The following CADPS2 variants were observed in gnomAD, a reference collection of about 807,000 sequenced individuals.
The protein encoded by CADPS2 is calcium-dependent secretion activator 2.
A neutral mutation model predicts 172.5 loss-of-function variants in CADPS2; 93 were observed. The observed-to-expected ratio is 0.54, with a 90% CI of 0.46 to 0.64. The LOEUF is 0.64. Ranked by LOEUF, CADPS2 falls within the 30% of genes least tolerant of loss-of-function variation. The pLI is 0.00. For synonymous variants in CADPS2, 546 were observed against 555.2 expected (o/e 0.98, Z 0.23); for missense variants, 1,420 against 1,565.9 (o/e 0.91, Z 1.57).
At chr7:122,445,563 TC>T (rs2052055061) in intron 15 of CADPS2, among the ~76,000 whole-genome samples, 1 of 152,204 alleles carries the variant, frequency 6.6e-6, no homozygotes, top group Non-Finnish European at 1.5e-5. Context: ...ATGCCTGTAA[TC>T]CCAGTATTTT....
intron 3 of CADPS2, among the ~76,000 whole-genome samples, chr7:122,653,412 C>T (rs1467446788): frequency 6.6e-6 from 1 of 152,188 alleles, no homozygotes; most frequent in African/African-American, 2.4e-5. Context: ...CTACCTGCCT[C>T]CCCAAGGCCT....
At chr7:122,400,034 A>T (rs554042061) in intron 20 of CADPS2, among the ~76,000 whole-genome samples, 7 of 151,954 alleles carry the variant, frequency 4.6e-5, no homozygotes, top group Non-Finnish European at 8.8e-5. Flanking sequence ...GTGATCTGTT[A>T]CAAGAAACAC....
At chr7:122,375,755 A>G (rs2042264711) in intron 25 of CADPS2, among the ~76,000 whole-genome samples, 1 of 152,082 alleles carries the variant, frequency 6.6e-6, no homozygotes, top group Non-Finnish European at 1.5e-5. Flanking sequence ...AATATTTTTT[A>G]AAATGAGATT....
chr7:122,585,933 T>G (rs2069604458), intron 6 of CADPS2, among the ~76,000 whole-genome samples: 1 of 151,972 alleles, frequency 6.6e-6, no homozygotes, highest in Non-Finnish European at 1.5e-5. Flanking sequence ...TTCTAAGGAC[T>G]TATCCTATCA....
intron 2 of CADPS2, among the ~76,000 whole-genome samples, chr7:122,689,371 G>A (rs1327972433): frequency 6.6e-6 from 1 of 152,294 alleles, no homozygotes; most frequent in African/African-American, 2.4e-5. Flanking sequence ...CCACCTTCCT[G>A]ATCTGATTAA....
Position 122,721,520 on chromosome 7 carries a change from C to G in CADPS2, c.453+15435G>C, listed in dbSNP as rs183908930. Among the ~76,000 whole-genome samples the G allele has an allele frequency of 1.5e-3, 230 of 152,190 alleles. 1 individual carries two copies. Among genetic ancestry groups the G allele is most frequent in the Admixed American group, 3.5e-3 (53 of 15,266 alleles). On this transcript the variant is annotated intron_variant, in intron 2 of 29. Coordinates refer to ENST00000449022, the MANE Select transcript of CADPS2 (RefSeq NM_017954.11). ...GTTGAATCTCTGAATAGACCAATAA[C>G]AGGCTCTGAAATTGAGGCAATAATT...
At position 122,621,607 on chromosome 7, in the gene CADPS2, C is replaced by A. The variant is rs772232660; in HGVS notation, c.978G>T (p.Ser326=). Residue 326 remains serine (S), a synonymous_variant, in exon 5 of 30, where the codon TCG becomes TCT. Transcript: ENST00000449022. ...LMANLESLPV[S]KGGPEFKLQK... is the part of the protein sequence containing the mutation. ...GTAATTTAAATTCCGGACCACCTTT[C>A]GAAACTGGAAGACTTTCCAAATTGG... 1.2e-6 allele frequency: 2 copies of A among 1,613,738 alleles called. No homozygotes were observed. Among genetic ancestry groups the A allele is most frequent in the Middle Eastern group, 1.7e-4 (1 of 6,056 alleles).
At chr7:122,650,775 A>G (rs943401812) in intron 3 of CADPS2, among the ~76,000 whole-genome samples, 1 of 152,184 alleles carries the variant, frequency 6.6e-6, no homozygotes, top group Non-Finnish European at 1.5e-5. Context: ...TACACTGACA[A>G]TTTAAAAATT....
chr7:122,729,746 C>T (rs1195631323), intron 2 of CADPS2, among the ~76,000 whole-genome samples: 4 of 130,220 alleles, frequency 3.1e-5, no homozygotes, highest in Non-Finnish European at 4.7e-5. Flanking sequence ...TTAGTCCCAT[C>T]TTCCCCCTTC....
intron 8 of CADPS2, among the ~76,000 whole-genome samples, chr7:122,518,442 T>A (rs2060536491): frequency 6.6e-6 from 1 of 152,054 alleles, no homozygotes; most frequent in Non-Finnish European, 1.5e-5. Flanking sequence ...TCTTAAAAAA[T>A]TTGTTTTTTA....
intron 3 of CADPS2, among the ~76,000 whole-genome samples, chr7:122,650,895 A>G (rs2079086017): frequency 6.6e-6 from 1 of 151,678 alleles, no homozygotes; most frequent in African/African-American, 2.4e-5. Flanking sequence ...TAACACATAT[A>G]TAAATATTAT....
intron 24 of CADPS2, chr7:122,386,272 T>C: frequency 1.4e-6 from 2 of 1,407,810 alleles, no homozygotes; most frequent in Middle Eastern, 2.0e-4. Context: ...AAATGTGCTT[T>C]TAGAAAAAAA....
intron 14 of CADPS2, among the ~76,000 whole-genome samples, chr7:122,466,375 G>C (rs1301594975): frequency 2.6e-5 from 4 of 152,172 alleles, no homozygotes; most frequent in Non-Finnish European, 1.5e-5. Context: ...CGGGGTTCTA[G>C]GCTCCTGCTT....
chr7:122,777,383 C>A (rs1438414341), intron 1 of CADPS2, among the ~76,000 whole-genome samples: 5 of 151,996 alleles, frequency 3.3e-5, no homozygotes, highest in South Asian at 2.1e-4. Context: ...TTCCAGGCAA[C>A]AAGAGAAAAA....
At chr7:122,516,035 C>G (rs192113267) in intron 8 of CADPS2, among the ~76,000 whole-genome samples, 31 of 152,030 alleles carry the variant, frequency 2.0e-4, no homozygotes, top group African/African-American at 7.2e-4. Context: ...TCTTTGAAGA[C>G]AGAAAGCAGG....
At chr7:122,497,178 A>C (rs532987684) in intron 9 of CADPS2, among the ~76,000 whole-genome samples, 1 of 151,530 alleles carries the variant, frequency 6.6e-6, no homozygotes, top group Non-Finnish European at 1.5e-5. Flanking sequence ...TGGTAAATTT[A>C]AAAAAAAATC....
chr7:122,735,699 C>T (rs1039474829), intron 2 of CADPS2, among the ~76,000 whole-genome samples: 3 of 152,132 alleles, frequency 2.0e-5, no homozygotes, highest in African/African-American at 7.2e-5. Context: ...TAGAGTGCAG[C>T]AGTGCATTTA....
At chr7:122,415,983 G>C (rs1289388392) in intron 18 of CADPS2, 78 bp downstream of exon 18, 48 of 802,414 alleles carry the variant, frequency 6.0e-5, no homozygotes, top group Non-Finnish European at 7.6e-5. Flanking sequence ...ACTATGGGCA[G>C]GCCACTTATT....
Position 122,731,535 on chromosome 7 carries a change from T to A in CADPS2, c.453+5420A>T, listed in dbSNP as rs139708702. Among the ~76,000 whole-genome samples the A allele has an allele frequency of 2.0e-3, 298 of 151,752 alleles. 2 individuals carry two copies. Among genetic ancestry groups the A allele is most frequent in the African/African-American group, 6.8e-3 (283 of 41,482 alleles). Reference sequence around the variant, plus strand: ...ATGTTTACCTAACTGCAGAGTCAGATGATGTTTCCTAAATTGAAAAATAGA... The same window carrying A: ...ATGTTTACCTAACTGCAGAGTCAGAAGATGTTTCCTAAATTGAAAAATAGA... On this transcript the variant is annotated intron_variant, in intron 2 of 29. Coordinates refer to ENST00000449022, the MANE Select transcript of CADPS2 (RefSeq NM_017954.11).
Sources: allele counts gnomAD v4.1 joint callset (sites outside exome capture counted in the v4.1 genomes callset), GRCh38; gene constraint gnomAD v4.1.1; transcripts MANE v1.5; gene names NCBI Gene and HGNC (gene_info 2026-07-23, HGNC 2026-07-21).